NEGR1: variants seen among roughly 807,000 people sequenced by gnomAD.
The protein encoded by NEGR1 is IgLON family member 4.
NEGR1 carries 10 observed loss-of-function variants against 40.9 expected under a neutral mutation model. The ratio of observed to expected loss-of-function variants is 0.24; its 90% confidence interval spans 0.15 to 0.42. The LOEUF (loss-of-function observed/expected upper bound fraction) is 0.42, where lower values mean the gene tolerates loss of function less well. NEGR1 is among the 10% of genes least tolerant of loss of function. The pLI is 1.00. For missense variants in NEGR1, 352 were observed against 438.9 expected, an observed-to-expected ratio of 0.80 and a Z score of 1.77; for synonymous variants, 185 against 166.8, an observed-to-expected ratio of 1.11 and a Z score of -0.84.
chr1:71,709,321 C>G (rs1654004558), intron 3 of NEGR1, among the ~76,000 whole-genome samples: 1 of 152,118 alleles, frequency 6.6e-6, no homozygotes, highest in Non-Finnish European at 1.5e-5. Flanking sequence ...TGCTTTTTAA[C>G]TTTTTAATAA....
At chr1:71,496,779 C>T (rs555201043) in intron 6 of NEGR1, among the ~76,000 whole-genome samples, 161 of 152,146 alleles carry the variant, frequency 1.1e-3, no homozygotes, top group Admixed American at 2.8e-3. Flanking sequence ...AGATCAGTAA[C>T]AAGGCAAGAA....
intron 1 of NEGR1, among the ~76,000 whole-genome samples, chr1:71,965,813 C>A (rs1050722895): frequency 1.3e-5 from 2 of 152,048 alleles, no homozygotes; most frequent in African/African-American, 4.8e-5. Flanking sequence ...AGAGATTAAT[C>A]ATTATGTCCT....
At chr1:71,670,423 A>G (rs1169543981) in intron 4 of NEGR1, among the ~76,000 whole-genome samples, 1 of 152,124 alleles carries the variant, frequency 6.6e-6, no homozygotes, top group African/African-American at 2.4e-5. Context: ...TACTTAGCAT[A>G]GATATCTGTG....
intron 1 of NEGR1, among the ~76,000 whole-genome samples, chr1:71,956,577 G>A (rs576044040): frequency 2.6e-5 from 4 of 152,090 alleles, no homozygotes; most frequent in East Asian, 1.9e-4. Flanking sequence ...CAAAGTCAAG[G>A]TGAGAAACAA....
intron 3 of NEGR1, among the ~76,000 whole-genome samples, chr1:71,713,867 A>G (rs1355043802): frequency 2.0e-5 from 3 of 152,220 alleles, no homozygotes; most frequent in Non-Finnish European, 2.9e-5. Context: ...ATATTTTATA[A>G]CAATATAGAT....
At chr1:71,896,866 G>A (rs1327778706) in intron 2 of NEGR1, among the ~76,000 whole-genome samples, 2 of 152,092 alleles carry the variant, frequency 1.3e-5, no homozygotes, top group African/African-American at 4.8e-5. Flanking sequence ...ATAAATATGA[G>A]GGTCTGTTTC....
intron 6 of NEGR1, among the ~76,000 whole-genome samples, chr1:71,475,630 T>C (rs556979762): frequency 6.6e-6 from 1 of 152,156 alleles, no homozygotes; most frequent in African/African-American, 2.4e-5. Context: ...CAGTGTTCAT[T>C]TAAAAGATTT....
At chr1:71,906,471 A>C (rs1054483454) in intron 2 of NEGR1, among the ~76,000 whole-genome samples, 2 of 149,982 alleles carry the variant, frequency 1.3e-5, no homozygotes, top group African/African-American at 5.0e-5. Flanking sequence ...TTCCCTGGCC[A>C]AGGATTAAAA....
At chr1:71,756,832 A>G (rs1655759179) in intron 3 of NEGR1, among the ~76,000 whole-genome samples, 2 of 150,726 alleles carry the variant, frequency 1.3e-5, no homozygotes, top group African/African-American at 4.9e-5. Flanking sequence ...TTCAAATCAA[A>G]TGCAAAATGA....
chr1:71,414,753 A>C (rs1156834387), intron 6 of NEGR1, among the ~76,000 whole-genome samples: 1 of 152,120 alleles, frequency 6.6e-6, no homozygotes. Context: ...AGGGTTGAAG[A>C]ATGCCCGAGT....
At chr1:71,736,834 T>C (rs1423031879) in intron 3 of NEGR1, among the ~76,000 whole-genome samples, 1 of 152,200 alleles carries the variant, frequency 6.6e-6, no homozygotes, top group Non-Finnish European at 1.5e-5. Context: ...AGAAAAAATG[T>C]GGTTAACTAT....
chr1:71,778,793 CT>C lies in NEGR1; in HGVS notation c.410-2497del, dbSNP rs1262903296. 3.9e-5 allele frequency among the ~76,000 whole-genome samples: 6 copies of C among 152,232 alleles called. No individual in the cohort carries two copies. In the East Asian group the frequency reaches 5.8e-4, roughly 15 times the overall value. ...AATACCATTATTTGGTCAATACTGTCTGATCAAAAAATAGTTTAGTTGGATC... is the reference window on the plus strand; with the variant it reads ...AATACCATTATTTGGTCAATACTGTCGATCAAAAAATAGTTTAGTTGGATC... On this transcript the variant is annotated intron_variant, in intron 2 of 6. Coordinates refer to ENST00000357731, the MANE Select transcript of NEGR1 (RefSeq NM_173808.3).
chr1:72,202,673 G>C (rs2100449013), intron 1 of NEGR1, among the ~76,000 whole-genome samples: 1 of 152,094 alleles, frequency 6.6e-6, no homozygotes, highest in African/African-American at 2.4e-5. Flanking sequence ...TTCAGTGAAG[G>C]CTAGGAGAGG....
chr1:71,674,455 A>C (rs2101603166), intron 4 of NEGR1, among the ~76,000 whole-genome samples: 1 of 152,334 alleles, frequency 6.6e-6, no homozygotes, highest in African/African-American at 2.4e-5. Context: ...TTCTCATAAA[A>C]GATGGCATAT....
rs1274921522 is a variant in NEGR1, at chr1:71,873,523, A to G, written c.409+61556T>C. Reference sequence around the variant, plus strand: ...CCTCTCTTTAAAAGATAGGAAAATGACATCTTCCCTAATTCATAGCATTAT... The same window carrying G: ...CCTCTCTTTAAAAGATAGGAAAATGGCATCTTCCCTAATTCATAGCATTAT... On this transcript the variant is annotated intron_variant, in intron 2 of 6. Transcript: ENST00000357731. Among the ~76,000 whole-genome samples the G allele has an allele frequency of 5.9e-5, 9 of 152,288 alleles. No individual in the cohort carries two copies. The East Asian group carries it at 1.7e-3, about 29-fold the overall frequency.
chr1:72,012,842 C>T (rs796433619), intron 1 of NEGR1, among the ~76,000 whole-genome samples: 3 of 140,168 alleles, frequency 2.1e-5, no homozygotes, highest in African/African-American at 5.3e-5. Context: ...TATATACATA[C>T]ATATATATAT....
At chr1:71,558,627 G>C (rs1325345062) in intron 6 of NEGR1, among the ~76,000 whole-genome samples, 3 of 150,596 alleles carry the variant, frequency 2.0e-5, no homozygotes, top group Non-Finnish European at 4.4e-5. Flanking sequence ...AATTGTTCCA[G>C]TTTTGTAGCT....
intron 4 of NEGR1, among the ~76,000 whole-genome samples, chr1:71,638,182 T>C (rs375155233): frequency 6.6e-6 from 1 of 152,036 alleles, no homozygotes. Flanking sequence ...AGAGAAAATA[T>C]TATTTTCATC....
chr1:71,446,442 G>A (rs1419266613), intron 6 of NEGR1, among the ~76,000 whole-genome samples: 3 of 152,216 alleles, frequency 2.0e-5, no homozygotes, highest in East Asian at 1.9e-4. Context: ...TTTTGAGTAG[G>A]TAAGATGAAT....
Sources: allele counts gnomAD v4.1 joint callset (sites outside exome capture counted in the v4.1 genomes callset), GRCh38; gene constraint gnomAD v4.1.1; transcripts MANE v1.5; gene names NCBI Gene and HGNC (gene_info 2026-07-23, HGNC 2026-07-21).